Variants in BRCA1 observed in about 807,000 individuals in gnomAD.
BRCA1 encodes BRCA1 DNA repair associated.
BRCA1 carries 140 observed loss-of-function variants against 173.7 expected under a neutral mutation model. The ratio of observed to expected loss-of-function variants is 0.81; its 90% CI spans 0.70 to 0.93. BRCA1 has a LOEUF of 0.93. BRCA1 is among the 40% of genes least tolerant of loss of function. The pLI is 0.00. For missense variants in BRCA1, 1,983 were observed against 2,172.5 expected (o/e 0.91, Z 1.73); for synonymous variants, 662 against 756.0 (o/e 0.88, Z 2.04).
intron 12 of BRCA1, among the ~76,000 whole-genome samples, chr17:43,077,894 C>A (rs970398466): frequency 6.6e-6 from 1 of 151,780 alleles, no homozygotes; most frequent in Non-Finnish European, 1.5e-5. Flanking sequence ...CACCACCTCG[C>A]CCAACTAATT....
At chr17:43,154,268 G>C (rs1187802512) in intron 1 of BRCA1, among the ~76,000 whole-genome samples, 1 of 152,056 alleles carries the variant, frequency 6.6e-6, no homozygotes, top group Admixed American at 6.6e-5. Context: ...GGCAGATCAC[G>C]AGGTCAGGAT....
intron 3 of BRCA1, among the ~76,000 whole-genome samples, chr17:43,115,032 C>A (rs917591673): frequency 1.3e-5 from 2 of 152,048 alleles, no homozygotes; most frequent in Non-Finnish European, 2.9e-5. Flanking sequence ...GATTACAAAG[C>A]GGGCAAACAC....
intron 1 of BRCA1, among the ~76,000 whole-genome samples, chr17:43,169,664 A>C (rs377515413): frequency 1.5e-4 from 23 of 151,652 alleles, no homozygotes; most frequent in African/African-American, 5.1e-4. Context: ...TCGCATAAGA[A>C]TACCCATCTG....
At chr17:43,048,019 C>T (rs368351285) in intron 21 of BRCA1, among the ~76,000 whole-genome samples, 4 of 152,030 alleles carry the variant, frequency 2.6e-5, no homozygotes, top group Admixed American at 1.3e-4. Flanking sequence ...ACTTCACCCC[C>T]GGGATTATAG....
chr17:43,140,479 G>C (rs1478552402), intron 1 of BRCA1: 2 of 427,464 alleles, frequency 4.7e-6, no homozygotes, highest in Non-Finnish European at 6.2e-6. Flanking sequence ...GGTCCTGTGT[G>C]ACTGAGCCCT....
Position 43,044,314 on chromosome 17 carries a change from G to A in BRCA1, c.*1364C>T, listed in dbSNP as rs1360133932. The stretch of plus-strand genomic sequence containing the variant: ...TCATGGTGGAAGTGTTTGCTACCAA[G>A]TTTATTTGCAGTGTTAACAGCACAA... On this transcript the variant is annotated 3_prime_UTR_variant, in exon 23 of 23. Coordinates refer to ENST00000357654, the MANE Select transcript of BRCA1 (RefSeq NM_007294.4). The A allele has an allele frequency of 1.0e-5, 5 of 478,218 alleles. No homozygotes were observed. The highest frequency in any genetic ancestry group is 2.1e-5 in the Non-Finnish European group (5 of 241,656). The allele number at this position is 478,218 out of a possible 1,614,324, so 29.6% of individuals were successfully genotyped here.
Position 43,094,827 on chromosome 17 carries a change from T to C in BRCA1, c.704A>G (p.Asn235Ser), listed in dbSNP as rs1555593283. 6.2e-7 allele frequency: 1 copy of C among 1,613,760 alleles called. No individual in the cohort carries two copies. Among genetic ancestry groups the C allele is most frequent in the Non-Finnish European group, 8.5e-7 (1 of 1,179,890 alleles). ...ATTACTGGGTTGATGATGTTCAGTA[T>C]TTGTTACATCCGTCTCAGAAAATTC... ...ACEFSETDVT[N>S]TEHHQPSNND... is the part of the protein sequence containing the mutation. Residue 235 changes from asparagine to serine, a missense_variant, in exon 10 of 23, where the codon AAT (asparagine) becomes AGT (serine). Coordinates refer to ENST00000357654, the MANE Select transcript of BRCA1 (RefSeq NM_007294.4).
chr17:43,058,439 A>G (rs904614797), intron 18 of BRCA1, among the ~76,000 whole-genome samples: 2 of 152,194 alleles, frequency 1.3e-5, no homozygotes, highest in African/African-American at 2.4e-5. Flanking sequence ...ATTGCTGGGC[A>G]GAGATTTGAC....
intron 1 of BRCA1, among the ~76,000 whole-genome samples, chr17:43,154,244 G>A (rs1211283960): frequency 3.3e-5 from 5 of 151,606 alleles, no homozygotes; most frequent in Non-Finnish European, 5.9e-5. Context: ...CCAGCACTTC[G>A]GGAGGCCAAG....
intron 1 of BRCA1, chr17:43,132,463 G>A (rs1271502872): frequency 6.6e-6 from 1 of 152,042 alleles, no homozygotes; most frequent in Non-Finnish European, 1.5e-5. Flanking sequence ...GAACAAAGCT[G>A]CCTCTCCAAC....
intron 1 of BRCA1, among the ~76,000 whole-genome samples, chr17:43,149,393 C>T (rs1010736438): frequency 8.6e-5 from 13 of 151,760 alleles, no homozygotes; most frequent in African/African-American, 2.9e-4. Flanking sequence ...AGCCACCATG[C>T]CCAGCCAATT....
intron 18 of BRCA1, among the ~76,000 whole-genome samples, chr17:43,057,432 A>G (rs375679298): frequency 3.3e-5 from 5 of 151,820 alleles, no homozygotes; most frequent in African/African-American, 1.2e-4. Flanking sequence ...AATCTTTTGA[A>G]TGCAGGAGGT....
chr17:43,052,338 T>A (rs961520693), intron 19 of BRCA1, among the ~76,000 whole-genome samples: 2 of 152,152 alleles, frequency 1.3e-5, no homozygotes, highest in Admixed American at 6.5e-5. Flanking sequence ...TGGAGTACAG[T>A]GGCACGATCA....
chr17:43,090,820 C>A (rs2053421614), intron 11 of BRCA1, 124 bp downstream of exon 11: 2 of 950,586 alleles, frequency 2.1e-6, no homozygotes, highest in South Asian at 1.4e-5. Context: ...AGACAATGAA[C>A]CACAAACAAT....
Position 43,094,820 on chromosome 17 carries a change from T to G in BRCA1, c.711A>C (p.Glu237Asp). The change falls in exon 10 of 23, where the codon GAA (glutamate) becomes GAC (aspartate). Residue 237 changes from glutamate to aspartate, a missense_variant. Physicochemically the swap from Glu to Asp is conservative, Grantham distance 45. Transcript: ENST00000357654. ...EFSETDVTNT[E>D]HHQPSNNDLN... The stretch of plus-strand genomic sequence containing the variant: ...AATCATTATTACTGGGTTGATGATG[T>G]TCAGTATTTGTTACATCCGTCTCAG... 6.2e-7 allele frequency: 1 copy of G among 1,613,770 alleles called. No individual in the cohort carries two copies. Among genetic ancestry groups the G allele is most frequent in the African/African-American group, 1.3e-5 (1 of 75,032 alleles).
At chr17:43,047,403 G>C (rs2050959932) in intron 22 of BRCA1, among the ~76,000 whole-genome samples, 1 of 151,914 alleles carries the variant, frequency 6.6e-6, no homozygotes, top group African/African-American at 2.4e-5. Context: ...GCCCGGCCTT[G>C]ATTTATGTTT....
chr17:43,108,103 C>T (rs960968629), intron 3 of BRCA1, among the ~76,000 whole-genome samples: 3 of 151,906 alleles, frequency 2.0e-5, no homozygotes, highest in Admixed American at 6.6e-5. Flanking sequence ...CCAGCACTTG[C>T]GGGGTGGGTG....
chr17:43,063,986 T>G lies in BRCA1; in HGVS notation c.5075-35A>C, dbSNP rs754413406. On this transcript the variant is annotated intron_variant, in intron 16 of 22. Transcript: ENST00000357654. Reference sequence around the variant, plus strand: ...GAAAAACACTCAAAGGATTAGAAGTTGAAAACAAAATCAGGAAGTGCTGTC... The same window carrying G: ...GAAAAACACTCAAAGGATTAGAAGTGGAAAACAAAATCAGGAAGTGCTGTC... 1.9e-5 allele frequency: 31 copies of G among 1,600,282 alleles called. 1 individual carries two copies. In the South Asian group the frequency reaches 3.3e-4, roughly 17 times the overall value.
intron 12 of BRCA1, among the ~76,000 whole-genome samples, chr17:43,078,134 G>A (rs2052828215): frequency 6.6e-6 from 1 of 151,330 alleles, no homozygotes; most frequent in African/African-American, 2.4e-5. Flanking sequence ...ACCCAGGCTG[G>A]AATACAGTGG....
Sources: allele counts gnomAD v4.1 joint callset (sites outside exome capture counted in the v4.1 genomes callset), GRCh38; gene constraint gnomAD v4.1.1; transcripts MANE v1.5; gene names NCBI Gene and HGNC (gene_info 2026-07-23, HGNC 2026-07-21).